MCC: variants seen among roughly 807,000 people sequenced by gnomAD.
MCC encodes colorectal mutant cancer protein.
In MCC, 90 loss-of-function variants were observed where a neutral mutation model predicts 116.2. The observed-to-expected ratio is 0.77, with a 90% CI of 0.65 to 0.92. The LOEUF is 0.92. MCC is among the 40% of genes least tolerant of loss of function. The pLI, the probability that MCC is intolerant of heterozygous loss-of-function variation, is 0.00. For missense variants in MCC, 1,516 were observed against 1,312.2 expected, an observed-to-expected ratio of 1.16 and a Z score of -2.40; for synonymous variants, 578 against 510.5, an observed-to-expected ratio of 1.13 and a Z score of -1.78.
At chr5:113,107,627 C>A (rs1756824977) in intron 6 of MCC, among the ~76,000 whole-genome samples, 1 of 152,184 alleles carries the variant, frequency 6.6e-6, no homozygotes, top group Admixed American at 6.5e-5. Flanking sequence ...TGACCACGTA[C>A]CCTCTGGTGC....
Position 113,417,563 on chromosome 5 carries a change from T to G in MCC, c.171-32351A>C, listed in dbSNP as rs531256901. On this transcript the variant is annotated intron_variant, in intron 1 of 18. Coordinates refer to ENST00000408903, the MANE Select transcript of MCC (RefSeq NM_001085377.2). The stretch of plus-strand genomic sequence containing the variant: ...CCATGACAAACTTGGAAAGAACTTT[T>G]CATCTTGGAGTTCTAAAAGCCAATG... Among the ~76,000 whole-genome samples, 4 of 152,328 alleles carry G rather than the reference T, an allele frequency of 2.6e-5. No homozygotes were observed. The South Asian group carries it at 8.3e-4, about 32-fold the overall frequency.
At chr5:113,248,015 C>T (rs1463839326) in intron 3 of MCC, among the ~76,000 whole-genome samples, 1 of 151,856 alleles carries the variant, frequency 6.6e-6, no homozygotes, top group Non-Finnish European at 1.5e-5. Context: ...CAGCCTGGGG[C>T]ACACTTCATA....
rs143137270 is a variant in MCC, at chr5:113,446,761, C to T, written c.170+41484G>A. Among the ~76,000 whole-genome samples the T allele has an allele frequency of 4.5e-3, 688 of 152,180 alleles. 7 individuals carry two copies. The highest frequency in any genetic ancestry group is 0.02 in the East Asian group (101 of 5,168). On this transcript the variant is annotated intron_variant, in intron 1 of 18. Coordinates refer to ENST00000408903, the MANE Select transcript of MCC (RefSeq NM_001085377.2). ...AGTGGAGCTAAACATAGTGTACTCACGGACATAAAGATGGCAACAATAGAC... is the reference window on the plus strand; with the variant it reads ...AGTGGAGCTAAACATAGTGTACTCATGGACATAAAGATGGCAACAATAGAC...
intron 1 of MCC, among the ~76,000 whole-genome samples, chr5:113,412,831 G>A (rs1250722768): frequency 6.6e-6 from 1 of 152,182 alleles, no homozygotes; most frequent in Admixed American, 6.5e-5. Flanking sequence ...GGTGAGAGAG[G>A]ACAACACAGT....
At chr5:113,080,646 C>T (rs921100591) in intron 11 of MCC, among the ~76,000 whole-genome samples, 2 of 151,992 alleles carry the variant, frequency 1.3e-5, no homozygotes, top group African/African-American at 4.8e-5. Context: ...CACACCGGGG[C>T]CTGTCGTGGG....
At chr5:113,198,082 G>A (rs117719396) in intron 3 of MCC, among the ~76,000 whole-genome samples, 1 of 152,338 alleles carries the variant, frequency 6.6e-6, no homozygotes, top group East Asian at 1.9e-4. Context: ...CTGGTGCACT[G>A]CAGGCCTTCT....
At chr5:113,117,129 T>C (rs935574569) in intron 6 of MCC, among the ~76,000 whole-genome samples, 4 of 152,206 alleles carry the variant, frequency 2.6e-5, no homozygotes, top group Non-Finnish European at 5.9e-5. Context: ...AACACATTTC[T>C]CCAGGTCTGC....
intron 1 of MCC, among the ~76,000 whole-genome samples, chr5:113,416,520 G>A (rs2150405187): frequency 6.6e-6 from 1 of 152,176 alleles, no homozygotes; most frequent in East Asian, 1.9e-4. Flanking sequence ...TAATTGTTAT[G>A]TAAAAATGCA....
At chr5:113,187,918 C>T (rs1165695448) in intron 3 of MCC, among the ~76,000 whole-genome samples, 1 of 152,110 alleles carries the variant, frequency 6.6e-6, no homozygotes, top group East Asian at 1.9e-4. Flanking sequence ...CTAGTGCATG[C>T]TCAGAACAAA....
In MCC at chr5:113,362,952, G is replaced by C. The variant is rs184215226; in HGVS notation, c.415+22016C>G. ...TTATGTTAAAAACTTCCTGACTATA[G>C]CCTCTTGTGTTAGTCCATTCTTGCA... On this transcript the variant is annotated intron_variant, in intron 2 of 18. Transcript: ENST00000408903. Among the ~76,000 whole-genome samples, 1,106 of 152,164 alleles carry C rather than the reference G, an allele frequency of 7.3e-3. 15 individuals are homozygous for C. Among genetic ancestry groups the C allele is most frequent in the African/African-American group, 0.025 (1,048 of 41,506 alleles).
In MCC at chr5:113,418,290, T is replaced by G. The variant is rs186643391; in HGVS notation, c.171-33078A>C. ...TAATAAAATAAAACAAAAATAAAAATAAAAAAGAAAGAAAAGAAAAAAAGG... is the reference window on the plus strand; with the variant it reads ...TAATAAAATAAAACAAAAATAAAAAGAAAAAAGAAAGAAAAGAAAAAAAGG... On this transcript the variant is annotated intron_variant, in intron 1 of 18. Transcript: ENST00000408903. Among the ~76,000 whole-genome samples the G allele has an allele frequency of 4.0e-5, 6 of 149,178 alleles. No individual in the cohort carries two copies. In the East Asian group the frequency reaches 5.9e-4, roughly 15 times the overall value.
At chr5:113,062,140 T>A (rs1365475682) in intron 14 of MCC, among the ~76,000 whole-genome samples, 1 of 152,200 alleles carries the variant, frequency 6.6e-6, no homozygotes, top group Non-Finnish European at 1.5e-5. Context: ...GCTAAAGACC[T>A]CTGTACTTTG....
At chr5:113,365,569 C>T (rs1052987789) in intron 2 of MCC, among the ~76,000 whole-genome samples, 1 of 152,210 alleles carries the variant, frequency 6.6e-6, no homozygotes, top group Non-Finnish European at 1.5e-5. Context: ...AAAGCTACTT[C>T]CACATTTTCA....
At chr5:113,068,990 G>A (rs1035855275) in intron 12 of MCC, among the ~76,000 whole-genome samples, 1 of 152,230 alleles carries the variant, frequency 6.6e-6, no homozygotes, top group East Asian at 1.9e-4. Context: ...ACAAGGAGAT[G>A]ATTTTGACCT....
At chr5:113,094,977 A>AT (rs1399429748) in intron 8 of MCC, among the ~76,000 whole-genome samples, 7 of 152,122 alleles carry the variant, frequency 4.6e-5, no homozygotes, top group Non-Finnish European at 1.0e-4. Context: ...TCTGCCTTGG[A>AT]TTCCCCCTAA....
chr5:113,272,802 TTACTC>T (rs2150353685), intron 3 of MCC, among the ~76,000 whole-genome samples: 1 of 152,338 alleles, frequency 6.6e-6, no homozygotes, highest in African/African-American at 2.4e-5. Flanking sequence ...TTATGGGACA[TTACTC>T]TGCTATCGTA....
chr5:113,410,156 G>A (rs1561556691), intron 1 of MCC, among the ~76,000 whole-genome samples: 1 of 152,152 alleles, frequency 6.6e-6, no homozygotes, highest in Admixed American at 6.5e-5. Flanking sequence ...TGTACTCCAT[G>A]TAGCAAAAAA....
chr5:113,256,026 G>A (rs1764990620), intron 3 of MCC, among the ~76,000 whole-genome samples: 1 of 152,196 alleles, frequency 6.6e-6, no homozygotes, highest in South Asian at 2.1e-4. Context: ...GCACAGATGA[G>A]CCAAAATAAT....
chr5:113,291,888 C>A (rs917327480), intron 3 of MCC, among the ~76,000 whole-genome samples: 4 of 152,106 alleles, frequency 2.6e-5, no homozygotes, highest in African/African-American at 4.8e-5. Context: ...AAAGTTATTG[C>A]CCATGTTAAA....
Sources: gnomAD v4.1 joint callset for allele counts (sites outside exome capture counted in the v4.1 genomes callset) on GRCh38, gnomAD v4.1.1 for gene constraint, MANE v1.5 for transcripts, NCBI Gene and HGNC (gene_info 2026-07-23, HGNC 2026-07-21) for gene names.